The following CHD1L variants were observed in gnomAD, a reference collection of about 807,000 sequenced individuals.
CHD1L encodes chromodomain helicase DNA binding protein 1 like.
CHD1L carries 118 observed loss-of-function variants against 115.9 expected under a neutral mutation model. The ratio of observed to expected loss-of-function variants is 1.02; its 90% CI spans 0.88 to 1.19. The LOEUF (loss-of-function observed/expected upper bound fraction) is 1.19, where lower values mean the gene tolerates loss of function less well. Ranked by LOEUF, CHD1L falls within the 50% of genes most tolerant of loss-of-function variation. CHD1L has a pLI of 0.00. For synonymous variants in CHD1L, 411 were observed against 387.1 expected (o/e 1.06, Z -0.72); for missense variants, 1,179 against 1,065.3 (o/e 1.11, Z -1.49).
intron 15 of CHD1L, among the ~76,000 whole-genome samples, chr1:147,282,070 C>T (rs115801777): frequency 3.9e-5 from 6 of 152,230 alleles, no homozygotes; most frequent in African/African-American, 1.2e-4. Context: ...TTGTTCTCAT[C>T]GATAGTTTCC....
rs1486149816 is a variant in CHD1L at position 147,293,725 on chromosome 1, A to G, written c.2506+3A>G. ...TTTAGCAGCAAAAAAGAAGAAAGGTAAGCTCTTCCACCTGTGCTCAAGAGT... is the reference window on the plus strand; with the variant it reads ...TTTAGCAGCAAAAAAGAAGAAAGGTGAGCTCTTCCACCTGTGCTCAAGAGT... On this transcript the variant is annotated splice_donor_region_variant and intron_variant, in intron 21 of 22. Transcript: ENST00000369258. 1.2e-6 allele frequency: 2 copies of G among 1,605,840 alleles called. No individual in the cohort carries two copies. Among genetic ancestry groups the G allele is most frequent in the Non-Finnish European group, 1.7e-6 (2 of 1,172,762 alleles).
chr1:147,188,876 T>C, the CHD1L span, among the ~76,000 whole-genome samples: 12 of 151,934 alleles, frequency 7.9e-5, no homozygotes, highest in Non-Finnish European at 1.8e-4. Context: ...AATAAGATAC[T>C]TTAGAGCCAG....
the CHD1L span, among the ~76,000 whole-genome samples, chr1:147,201,758 T>C: frequency 4.6e-5 from 7 of 152,132 alleles, no homozygotes; most frequent in Non-Finnish European, 7.4e-5. Flanking sequence ...GGAGTGCATA[T>C]ATGATTTCTC....
At chr1:147,242,864 G>T in intron 1 of CHD1L, 34 bp downstream of exon 1, 1 of 1,262,908 alleles carries the variant, frequency 7.9e-7, no homozygotes, top group Non-Finnish European at 1.0e-6. Context: ...CGGCCAGGCG[G>T]GCCAACCTAT....
the CHD1L span, among the ~76,000 whole-genome samples, chr1:147,199,281 T>C: frequency 1.4e-4 from 22 of 152,012 alleles, no homozygotes; most frequent in Admixed American, 5.9e-4. Context: ...ATTGGCATAG[T>C]GAAGGGATAA....
At chr1:147,263,399 A>G (rs1030851897) in intron 6 of CHD1L, among the ~76,000 whole-genome samples, 20 of 145,046 alleles carry the variant, frequency 1.4e-4, no homozygotes, top group Non-Finnish European at 2.3e-4. Flanking sequence ...TCTGTACTCC[A>G]GCGTGGGTGA....
the CHD1L span, among the ~76,000 whole-genome samples, chr1:147,229,855 A>G: frequency 6.6e-6 from 1 of 151,866 alleles, no homozygotes; most frequent in Non-Finnish European, 1.5e-5. Flanking sequence ...TTGTGCATTG[A>G]TTTTGTATCC....
At chr1:147,187,269 ATGGCC>A in the CHD1L span, 2 of 1,526,486 alleles carry the variant, frequency 1.3e-6, no homozygotes, top group South Asian at 2.5e-5. Context: ...GACAGAAACC[ATGGCC>A]TGTCAATAAT....
intron 20 of CHD1L, among the ~76,000 whole-genome samples, chr1:147,293,314 T>TC (rs1399980714): frequency 6.6e-6 from 1 of 151,850 alleles, no homozygotes; most frequent in African/African-American, 2.4e-5. Flanking sequence ...AATTCTCTTT[T>TC]TTTTTTTAAC....
chr1:147,268,712 C>T, intron 9 of CHD1L, 70 bp from the exon 10 acceptor site: 1 of 1,283,154 alleles, frequency 7.8e-7, no homozygotes, highest in South Asian at 1.2e-5. Context: ...GCTTCTCTTC[C>T]TGTAGCCTAG....
chr1:147,264,154 C>G (rs587644424), intron 6 of CHD1L, among the ~76,000 whole-genome samples: 2 of 152,292 alleles, frequency 1.3e-5, no homozygotes, highest in Admixed American at 6.5e-5. Context: ...TGCAATACTT[C>G]AGAGTTCACA....
the CHD1L span, chr1:147,213,350 C>T: frequency 6.2e-7 from 1 of 1,613,038 alleles, no homozygotes; most frequent in Non-Finnish European, 8.5e-7. Flanking sequence ...GTGTGATGGC[C>T]AGTGCAAACC....
chr1:147,178,078 C>T, the CHD1L span: 1 of 1,308,810 alleles, frequency 7.6e-7, no homozygotes, highest in East Asian at 2.5e-5. Flanking sequence ...AGTCGAGCCG[C>T]GACCCTTCCG....
the CHD1L span, among the ~76,000 whole-genome samples, chr1:147,199,508 C>CA: frequency 6.6e-6 from 1 of 152,212 alleles, no homozygotes; most frequent in African/African-American, 2.4e-5. Context: ...CCCATAATCT[C>CA]ATAACCATAA....
the CHD1L span, chr1:147,213,385 T>C: frequency 6.2e-7 from 1 of 1,613,876 alleles, no homozygotes; most frequent in Non-Finnish European, 8.5e-7. Flanking sequence ...GACATTCATC[T>C]CCTTTTTCCC....
chr1:147,191,106 C>T, the CHD1L span, among the ~76,000 whole-genome samples: 1 of 152,052 alleles, frequency 6.6e-6, no homozygotes, highest in Admixed American at 6.6e-5. Context: ...GGCTTGGTTC[C>T]AAGACTTTGC....
At chr1:147,220,471 A>G in the CHD1L span, among the ~76,000 whole-genome samples, 1 of 152,186 alleles carries the variant, frequency 6.6e-6, no homozygotes, top group Non-Finnish European at 1.5e-5. Context: ...ATGGAAAGAC[A>G]GAAGGCCTAG....
intron 22 of CHD1L, among the ~76,000 whole-genome samples, chr1:147,295,136 A>C (rs587725241): frequency 2.0e-5 from 3 of 152,320 alleles, no homozygotes; most frequent in Admixed American, 1.3e-4. Context: ...CCATCTTTTT[A>C]CATATTTGAC....
At chr1:147,294,788 T>C (rs1301565021) in intron 22 of CHD1L, among the ~76,000 whole-genome samples, 2 of 152,230 alleles carry the variant, frequency 1.3e-5, no homozygotes, top group African/African-American at 4.8e-5. Context: ...CAATTGTTAA[T>C]TTGGTAACAT....
Sources: allele counts gnomAD v4.1 joint callset (sites outside exome capture counted in the v4.1 genomes callset), GRCh38; gene constraint gnomAD v4.1.1; transcripts MANE v1.5; gene names NCBI Gene and HGNC (gene_info 2026-07-23, HGNC 2026-07-21).